Variants in ASAP2 observed in about 807,000 individuals in gnomAD.
ASAP2 encodes ArfGAP with SH3 domain, ankyrin repeat and PH domain 2, also known as arf-GAP with SH3 domain, ANK repeat and PH domain-containing protein 2.
Under a neutral mutation model 131.4 loss-of-function variants are expected in ASAP2, and 45 were observed. That is an observed-to-expected ratio of 0.34 (90% CI 0.27 to 0.44). The LOEUF (loss-of-function observed/expected upper bound fraction) is 0.44. ASAP2 is among the 20% of genes least tolerant of loss of function. The pLI is 1.00. For synonymous variants in ASAP2, 510 were observed against 503.0 expected (o/e 1.01, Z -0.19); for missense variants, 1,011 against 1,297.0 (o/e 0.78, Z 3.39).
chr2:9,299,748 A>T (rs1260534556), intron 3 of ASAP2, among the ~76,000 whole-genome samples: 2 of 152,166 alleles, frequency 1.3e-5, no homozygotes, highest in African/African-American at 2.4e-5. Flanking sequence ...TTCAGCTGAT[A>T]TCTAGACCTG....
intron 3 of ASAP2, among the ~76,000 whole-genome samples, chr2:9,317,390 A>C (rs1003447889): frequency 1.3e-5 from 2 of 150,112 alleles, no homozygotes; most frequent in Non-Finnish European, 3.0e-5. Context: ...ACATCCACAC[A>C]CACACCCTCA....
At chr2:9,335,885 T>C (rs1477329131) in intron 9 of ASAP2, among the ~76,000 whole-genome samples, 4 of 152,222 alleles carry the variant, frequency 2.6e-5, no homozygotes, top group Non-Finnish European at 2.9e-5. Context: ...TCTAAACATA[T>C]ATCTAGTGAT....
In ASAP2 at chr2:9,405,262, T is replaced by C. The variant is rs1677120700; in HGVS notation, c.*1935T>C. On this transcript the variant is annotated 3_prime_UTR_variant, in exon 28 of 28. Transcript: ENST00000281419. The stretch of plus-strand genomic sequence containing the variant: ...CTGCTAATATCCTTTCTTAGTTATT[T>C]GCTCCTTGCAAATTAAAAAAGCAAC... 1 of 152,266 alleles carries C rather than the reference T, an allele frequency of 6.6e-6. No homozygotes were observed. Among genetic ancestry groups the C allele is most frequent in the Non-Finnish European group, 1.5e-5 (1 of 68,042 alleles). The allele number at this position is 152,266 out of a possible 1,614,324, so 9.4% of individuals were successfully genotyped here. A position where few individuals can be genotyped will look rare whatever the true frequency, so the allele number is the denominator to read the frequency against.
At chr2:9,356,442 CACG>C in intron 14 of ASAP2, 97 bp downstream of exon 14, 1 of 1,360,284 alleles carries the variant, frequency 7.4e-7, no homozygotes, top group Non-Finnish European at 9.9e-7. Flanking sequence ...TCATTTCAAA[CACG>C]AAATTAAGTG....
At position 9,256,055 on chromosome 2, in the gene ASAP2, G is replaced by A. The variant is rs571766289; in HGVS notation, c.127-23262G>A. Among the ~76,000 whole-genome samples, 18 of 150,480 alleles carry A rather than the reference G, an allele frequency of 1.2e-4. 1 individual carries two copies. Among genetic ancestry groups the A allele is most frequent in the South Asian group, 8.4e-4 (4 of 4,782 alleles). On this transcript the variant is annotated intron_variant, in intron 1 of 27. Transcript: ENST00000281419. ...ATGAAGGAACCTGTGTAGACTTAAA[G>A]TTGTAGAATGACCAGTGCGTCACTA...
chr2:9,314,129 G>A (rs372258428), intron 3 of ASAP2, among the ~76,000 whole-genome samples: 21 of 152,112 alleles, frequency 1.4e-4, no homozygotes, highest in South Asian at 4.2e-4. Flanking sequence ...GATTACAGGC[G>A]TGCGCCACCT....
chr2:9,380,598 T>G (rs369163445), intron 19 of ASAP2, 143 bp from the exon 20 acceptor site: 27 of 800,600 alleles, frequency 3.4e-5, no homozygotes, highest in Middle Eastern at 2.2e-4. Flanking sequence ...CAGCCTCGAC[T>G]AGGTCAAACT....
intron 5 of ASAP2, among the ~76,000 whole-genome samples, chr2:9,320,759 C>A (rs986535238): frequency 6.6e-6 from 1 of 152,190 alleles, no homozygotes; most frequent in East Asian, 1.9e-4. Context: ...CTCTGAAATA[C>A]CAGTTCCCTT....
intron 3 of ASAP2, 116 bp downstream of exon 3, chr2:9,297,561 C>T: frequency 8.0e-7 from 1 of 1,251,594 alleles, no homozygotes; most frequent in East Asian, 2.5e-5. Flanking sequence ...TCCTTGGGTA[C>T]CCAAAAGAAT....
At chr2:9,316,659 G>A (rs1196568507) in intron 3 of ASAP2, among the ~76,000 whole-genome samples, 1 of 152,170 alleles carries the variant, frequency 6.6e-6, no homozygotes, top group Non-Finnish European at 1.5e-5. Flanking sequence ...TCAGGGCTCT[G>A]AGTCCGTACT....
chr2:9,246,110 C>T (rs893060559), intron 1 of ASAP2, among the ~76,000 whole-genome samples: 99 of 152,114 alleles, frequency 6.5e-4, no homozygotes, highest in Non-Finnish European at 1.2e-3. Context: ...TATCCCTGAT[C>T]AGCTGCTTGA....
At chr2:9,394,003 C>T (rs1319311761) in intron 24 of ASAP2, among the ~76,000 whole-genome samples, 1 of 152,062 alleles carries the variant, frequency 6.6e-6, no homozygotes, top group African/African-American at 2.4e-5. Context: ...GCGTGGATTT[C>T]CCACAAACAA....
intron 15 of ASAP2, among the ~76,000 whole-genome samples, chr2:9,363,516 TC>T (rs1673243814): frequency 6.6e-6 from 1 of 152,210 alleles, no homozygotes; most frequent in Non-Finnish European, 1.5e-5. Flanking sequence ...AATTTGCATT[TC>T]CCTGATGATT....
At chr2:9,265,438 A>T (rs931019651) in intron 1 of ASAP2, among the ~76,000 whole-genome samples, 2 of 152,216 alleles carry the variant, frequency 1.3e-5, no homozygotes, top group Admixed American at 1.3e-4. Context: ...GCTCAGAGTT[A>T]AAGACCTCAA....
At chr2:9,360,064 A>G (rs1222869063) in intron 15 of ASAP2, among the ~76,000 whole-genome samples, 1 of 152,246 alleles carries the variant, frequency 6.6e-6, no homozygotes, top group African/African-American at 2.4e-5. Flanking sequence ...TGGATAACTG[A>G]TGATGGCATA....
chr2:9,281,371 C>A lies in ASAP2; in HGVS notation c.199+1982C>A, dbSNP rs1390136518. Reference sequence around the variant, plus strand: ...AAGGCTGGCCCAGTGGCTGGCAGTACAGCTTATAAACAGCCCTGCATTTGA... The same window carrying A: ...AAGGCTGGCCCAGTGGCTGGCAGTAAAGCTTATAAACAGCCCTGCATTTGA... On this transcript the variant is annotated intron_variant, in intron 2 of 27. Transcript: ENST00000281419. The surrounding 1 kb of genome is among the most constrained non-coding windows in gnomAD (Gnocchi z 4.0). 6.6e-6 allele frequency among the ~76,000 whole-genome samples: 1 copy of A among 152,170 alleles called. No individual in the cohort carries two copies. The highest frequency in any genetic ancestry group is 2.4e-5 in the African/African-American group (1 of 41,434).
intron 24 of ASAP2, among the ~76,000 whole-genome samples, chr2:9,394,576 C>G (rs776713721): frequency 6.6e-6 from 1 of 152,178 alleles, no homozygotes; most frequent in Non-Finnish European, 1.5e-5. Flanking sequence ...TGCTCCCACA[C>G]AGGCCCTCTG....
chr2:9,246,859 T>G (rs1664372414), intron 1 of ASAP2, among the ~76,000 whole-genome samples: 1 of 152,108 alleles, frequency 6.6e-6, no homozygotes, highest in African/African-American at 2.4e-5. Flanking sequence ...TTGTTTTGTT[T>G]GAGACAGAGT....
chr2:9,382,511 G>T (rs1432588308), intron 20 of ASAP2, among the ~76,000 whole-genome samples: 6 of 152,198 alleles, frequency 3.9e-5, no homozygotes, highest in Non-Finnish European at 7.3e-5. Flanking sequence ...TACCTTCCTT[G>T]AGAGAACTGA....
Sources: allele counts gnomAD v4.1 joint callset (sites outside exome capture counted in the v4.1 genomes callset), GRCh38; gene constraint gnomAD v4.1.1; non-coding constraint Gnocchi (gnomAD v3.1); transcripts MANE v1.5; gene names NCBI Gene and HGNC (gene_info 2026-07-23, HGNC 2026-07-21).